The following GALNTL6 variants were observed in gnomAD, a reference collection of about 807,000 sequenced individuals.
GALNTL6 encodes polypeptide N-acetylgalactosaminyltransferase-like 6.
Under a neutral mutation model 73.7 loss-of-function variants are expected in GALNTL6, and 46 were observed. The observed-to-expected ratio is 0.62, with a 90% confidence interval of 0.49 to 0.80. The LOEUF (loss-of-function observed/expected upper bound fraction) is 0.80, where lower values mean the gene tolerates loss of function less well. Among genes scored for constraint, GALNTL6 ranks in the 30% least tolerant of loss-of-function variants. The pLI is 0.00. For synonymous variants in GALNTL6, 259 were observed against 263.7 expected, an observed-to-expected ratio of 0.98 and a Z score of 0.17; for missense variants, 604 against 755.0, an observed-to-expected ratio of 0.80 and a Z score of 2.34.
intron 5 of GALNTL6, among the ~76,000 whole-genome samples, chr4:172,769,086 A>G (rs2110856396): frequency 6.6e-6 from 1 of 152,180 alleles, no homozygotes; most frequent in East Asian, 1.9e-4. Flanking sequence ...TAAACTTTTT[A>G]AACTATAAGT....
chr4:172,798,081 A>C (rs748092337), intron 5 of GALNTL6, among the ~76,000 whole-genome samples: 7 of 152,118 alleles, frequency 4.6e-5, no homozygotes, highest in Non-Finnish European at 5.9e-5. Context: ...TCCCCTTACT[A>C]ATAATTTCCT....
intron 9 of GALNTL6, among the ~76,000 whole-genome samples, chr4:172,949,561 G>T (rs1749336317): frequency 6.6e-6 from 1 of 152,038 alleles, no homozygotes; most frequent in Non-Finnish European, 1.5e-5. Context: ...AATCAATTTT[G>T]AATATAAAGT....
intron 5 of GALNTL6, among the ~76,000 whole-genome samples, chr4:172,482,093 C>T (rs969702233): frequency 2.0e-5 from 3 of 152,206 alleles, no homozygotes; most frequent in Admixed American, 1.3e-4. Context: ...ACCCGGCGCC[C>T]CCTCCACAGC....
intron 2 of GALNTL6, among the ~76,000 whole-genome samples, chr4:171,999,555 T>C (rs1221066932): frequency 3.9e-5 from 6 of 152,160 alleles, no homozygotes; most frequent in Non-Finnish European, 7.4e-5. Flanking sequence ...TTGTGTGAAG[T>C]GTTGCATTTT....
At chr4:172,252,601 A>G (rs186846039) in intron 3 of GALNTL6, among the ~76,000 whole-genome samples, 6 of 152,230 alleles carry the variant, frequency 3.9e-5, no homozygotes, top group Admixed American at 2.0e-4. Flanking sequence ...GCAGTTTTTA[A>G]GTAAAAATGA....
chr4:172,638,765 A>T (rs1443639838), intron 5 of GALNTL6, among the ~76,000 whole-genome samples: 3 of 152,106 alleles, frequency 2.0e-5, no homozygotes, highest in African/African-American at 7.2e-5. Flanking sequence ...TAATATTTTT[A>T]TTTTTTACTA....
intron 2 of GALNTL6, among the ~76,000 whole-genome samples, chr4:171,996,822 G>C (rs1740507761): frequency 6.6e-6 from 1 of 151,810 alleles, no homozygotes; most frequent in African/African-American, 2.4e-5. Flanking sequence ...GCAGCCCATG[G>C]GCCACGGGTT....
chr4:172,318,131 T>C (rs1740630530), intron 4 of GALNTL6, among the ~76,000 whole-genome samples: 2 of 152,206 alleles, frequency 1.3e-5, no homozygotes, highest in East Asian at 3.9e-4. Flanking sequence ...TACCCTTCAA[T>C]ATTTTTTGAA....
chr4:172,642,076 T>C (rs1441132339), intron 5 of GALNTL6, among the ~76,000 whole-genome samples: 1 of 152,004 alleles, frequency 6.6e-6, no homozygotes, highest in Non-Finnish European at 1.5e-5. Flanking sequence ...ATACAAAAAG[T>C]AAGTGTTGGC....
intron 3 of GALNTL6, among the ~76,000 whole-genome samples, chr4:172,297,257 C>T (rs1374209656): frequency 2.0e-5 from 3 of 152,004 alleles, no homozygotes; most frequent in Non-Finnish European, 2.9e-5. Flanking sequence ...GGATATTAGC[C>T]GTTTGTCAGA....
chr4:171,889,882 G>T (rs1736713584), intron 2 of GALNTL6, among the ~76,000 whole-genome samples: 1 of 152,016 alleles, frequency 6.6e-6, no homozygotes, highest in Non-Finnish European at 1.5e-5. Flanking sequence ...CTCACATACG[G>T]TATGTTTTGC....
intron 2 of GALNTL6, among the ~76,000 whole-genome samples, chr4:172,028,934 T>C (rs966664788): frequency 6.6e-6 from 1 of 152,068 alleles, no homozygotes; most frequent in African/African-American, 2.4e-5. Context: ...TCTTTGATGT[T>C]ATATAAATCA....
intron 2 of GALNTL6, among the ~76,000 whole-genome samples, chr4:172,166,165 T>A (rs1385173050): frequency 6.6e-6 from 1 of 152,174 alleles, no homozygotes; most frequent in Non-Finnish European, 1.5e-5. Flanking sequence ...AAAAATTATA[T>A]ATGACATTTT....
chr4:172,087,337 C>G lies in GALNTL6; in HGVS notation c.139-142319C>G, dbSNP rs192977904. Among the ~76,000 whole-genome samples the G allele has an allele frequency of 2.0e-5, 3 of 150,016 alleles. No homozygotes were observed. The South Asian group carries it at 6.4e-4, about 32-fold the overall frequency. On this transcript the variant is annotated intron_variant, in intron 2 of 12. Coordinates refer to ENST00000506823, the MANE Select transcript of GALNTL6 (RefSeq NM_001034845.3). ...GTGGGCGCCTGTAGTCCCAGCTACT[C>G]GGGAGGCTGAGGCAGGAGAATGGCG...
chr4:172,705,221 T>G (rs1479241312), intron 5 of GALNTL6, among the ~76,000 whole-genome samples: 1 of 147,362 alleles, frequency 6.8e-6, no homozygotes, highest in East Asian at 1.9e-4. Context: ...CTATTTTTTT[T>G]TTGTTTTATG....
chr4:172,709,572 G>A (rs1734566651), intron 5 of GALNTL6, among the ~76,000 whole-genome samples: 1 of 152,106 alleles, frequency 6.6e-6, no homozygotes, highest in Admixed American at 6.6e-5. Context: ...TGTTTTTGAT[G>A]TGTTTATTCT....
intron 5 of GALNTL6, among the ~76,000 whole-genome samples, chr4:172,476,245 C>A (rs1427338624): frequency 1.3e-5 from 2 of 152,218 alleles, no homozygotes; most frequent in African/African-American, 2.4e-5. Context: ...AGAAATGGCA[C>A]CCTCTCGCTG....
intron 5 of GALNTL6, among the ~76,000 whole-genome samples, chr4:172,615,485 C>T (rs1738685977): frequency 6.6e-6 from 1 of 152,088 alleles, no homozygotes; most frequent in Non-Finnish European, 1.5e-5. Flanking sequence ...AACCATTGCC[C>T]CCTTACTCCC....
At chr4:172,338,616 A>G (rs1741433428) in intron 4 of GALNTL6, among the ~76,000 whole-genome samples, 2 of 152,194 alleles carry the variant, frequency 1.3e-5, no homozygotes, top group East Asian at 3.9e-4. Flanking sequence ...ACTTCTGGGT[A>G]AAAGCCAGCT....
Sources: gnomAD v4.1 joint callset for allele counts (sites outside exome capture counted in the v4.1 genomes callset) on GRCh38, gnomAD v4.1.1 for gene constraint, MANE v1.5 for transcripts, NCBI Gene and HGNC (gene_info 2026-07-23, HGNC 2026-07-21) for gene names.